Variants in GRIA4 observed in about 807,000 individuals in gnomAD.
GRIA4 encodes the protein glutamate receptor 4.
GRIA4 carries 34 observed loss-of-function variants against 104.0 expected under a neutral mutation model. The observed-to-expected ratio is 0.33, with a 90% CI of 0.25 to 0.44. GRIA4 has a LOEUF of 0.44. GRIA4 is among the 20% of genes least tolerant of loss of function. The pLI is 1.00. For missense variants in GRIA4, 750 were observed against 1,096.5 expected (o/e 0.68, Z 4.46); for synonymous variants, 386 against 381.9 (o/e 1.01, Z -0.13).
intron 11 of GRIA4, 69 bp from the exon 12 acceptor site, chr11:105,924,330 T>C (rs2136194280): frequency 8.5e-7 from 1 of 1,176,584 alleles, no homozygotes; most frequent in East Asian, 2.4e-5. Flanking sequence ...TTTAAATGGA[T>C]CATTCCAGTG....
chr11:105,704,215 G>A (rs2135530464), intron 3 of GRIA4, among the ~76,000 whole-genome samples: 1 of 152,092 alleles, frequency 6.6e-6, no homozygotes, highest in African/African-American at 2.4e-5. Context: ...TTTCAGTTGT[G>A]GGAAGTGCTA....
intron 3 of GRIA4, among the ~76,000 whole-genome samples, chr11:105,665,471 G>A (rs1476959365): frequency 6.6e-6 from 1 of 151,866 alleles, no homozygotes; most frequent in African/African-American, 2.4e-5. Context: ...GTATCCCGGA[G>A]GTTGCACTGG....
At chr11:105,777,933 C>A (rs1187533197) in intron 4 of GRIA4, among the ~76,000 whole-genome samples, 2 of 152,128 alleles carry the variant, frequency 1.3e-5, no homozygotes, top group African/African-American at 4.8e-5. Flanking sequence ...GAATGAAGAA[C>A]CATCCGGGCC....
At chr11:105,870,114 A>C (rs1945560731) in intron 5 of GRIA4, among the ~76,000 whole-genome samples, 1 of 151,832 alleles carries the variant, frequency 6.6e-6, no homozygotes, top group African/African-American at 2.4e-5. Flanking sequence ...TATTTGACTT[A>C]AAGTTTTCTT....
chr11:105,797,764 A>G, intron 4 of GRIA4: 1 of 454,434 alleles, frequency 2.2e-6, no homozygotes, highest in Non-Finnish European at 4.4e-6. Context: ...AAGTAATTGT[A>G]TGCCAAGTTC....
chr11:105,942,607 C>G (rs749467013), intron 14 of GRIA4, among the ~76,000 whole-genome samples: 3 of 152,026 alleles, frequency 2.0e-5, no homozygotes, highest in Admixed American at 6.6e-5. Context: ...TTCTGACAAT[C>G]TCCGGTGCTC....
chr11:105,977,963 C>T (rs1859071867), intron 16 of GRIA4, among the ~76,000 whole-genome samples: 1 of 152,020 alleles, frequency 6.6e-6, no homozygotes, highest in Non-Finnish European at 1.5e-5. Context: ...TCATTTCTAA[C>T]TTTCTCACTG....
intron 3 of GRIA4, among the ~76,000 whole-genome samples, chr11:105,673,887 A>G (rs1008019214): frequency 6.6e-6 from 1 of 152,076 alleles, no homozygotes; most frequent in African/African-American, 2.4e-5. Context: ...AGCCATATCA[A>G]TTTATAAGAT....
At chr11:105,979,425 A>G in intron 16 of GRIA4, 150 bp from the exon 17 acceptor site, 1 of 655,684 alleles carries the variant, frequency 1.5e-6, no homozygotes, top group Non-Finnish European at 2.6e-6. Flanking sequence ...CTTTCCCTGG[A>G]TAAGCAGTTT....
rs182345905 is a variant in GRIA4, at chr11:105,923,389, C to A, written c.1477-1010C>A. On this transcript the variant is annotated intron_variant, in intron 11 of 16. Coordinates refer to ENST00000282499, the MANE Select transcript of GRIA4 (RefSeq NM_000829.4). ...TAATAGAAGCAGCCCAGGCTCAAAT[C>A]CCAGAGCTGCCATGATATGTGAATC... Among the ~76,000 whole-genome samples the A allele has an allele frequency of 4.0e-3, 605 of 152,202 alleles. 5 individuals are homozygous for A. Among genetic ancestry groups the A allele is most frequent in the African/African-American group, 0.013 (558 of 41,542 alleles).
At chr11:105,758,812 G>A (rs998681133) in intron 4 of GRIA4, among the ~76,000 whole-genome samples, 2 of 152,126 alleles carry the variant, frequency 1.3e-5, no homozygotes, top group African/African-American at 4.8e-5. Context: ...AGAGTTCTCA[G>A]ATACAACGTA....
intron 3 of GRIA4, among the ~76,000 whole-genome samples, chr11:105,733,086 T>C (rs891877448): frequency 6.6e-6 from 1 of 152,208 alleles, no homozygotes; most frequent in East Asian, 1.9e-4. Context: ...ATTAATTGCA[T>C]ATACAAACTC....
chr11:105,611,382 G>A (rs1950476710), intron 2 of GRIA4, among the ~76,000 whole-genome samples: 1 of 151,880 alleles, frequency 6.6e-6, no homozygotes, highest in African/African-American at 2.4e-5. Context: ...CGGGGAATTT[G>A]GTTGTATTTT....
chr11:105,888,379 G>A (rs1230439343), intron 6 of GRIA4, among the ~76,000 whole-genome samples: 2 of 138,954 alleles, frequency 1.4e-5, no homozygotes, highest in African/African-American at 5.2e-5. Context: ...CGCCTCCCGG[G>A]TTCACGCCAT....
chr11:105,617,856 C>T (rs557052484), intron 3 of GRIA4, among the ~76,000 whole-genome samples: 7 of 152,012 alleles, frequency 4.6e-5, no homozygotes, highest in East Asian at 1.9e-4. Context: ...TCAGTGATTA[C>T]GGTAATGATT....
chr11:105,808,686 CTAAATA>C (rs1273016787), intron 4 of GRIA4, among the ~76,000 whole-genome samples: 1 of 151,978 alleles, frequency 6.6e-6, no homozygotes, highest in African/African-American at 2.4e-5. Context: ...CATCTTCTCC[CTAAATA>C]TAAATAAGTA....
chr11:105,896,777 T>C (rs570728423), intron 6 of GRIA4, among the ~76,000 whole-genome samples: 1 of 152,260 alleles, frequency 6.6e-6, no homozygotes, highest in African/African-American at 2.4e-5. Context: ...GTGTGTCTAT[T>C]TCTGTACCAA....
At chr11:105,639,302 T>C (rs999025893) in intron 3 of GRIA4, among the ~76,000 whole-genome samples, 2 of 152,086 alleles carry the variant, frequency 1.3e-5, no homozygotes, top group African/African-American at 4.8e-5. Context: ...GCAAAATATA[T>C]TTTAAAATTC....
chr11:105,952,748 C>T (rs1200348515), intron 14 of GRIA4, among the ~76,000 whole-genome samples: 1 of 152,188 alleles, frequency 6.6e-6, no homozygotes, highest in Non-Finnish European at 1.5e-5. Flanking sequence ...AAAACCCAAA[C>T]CAAAGACACT....
Sources: allele counts gnomAD v4.1 joint callset (sites outside exome capture counted in the v4.1 genomes callset), GRCh38; gene constraint gnomAD v4.1.1; transcripts MANE v1.5; gene names NCBI Gene and HGNC (gene_info 2026-07-23, HGNC 2026-07-21).